Variants in PRRC2B observed in about 807,000 individuals in gnomAD.
PRRC2B encodes proline rich coiled-coil 2B.
In PRRC2B, 68 loss-of-function variants were observed where a neutral mutation model predicts 242.3. The ratio of observed to expected loss-of-function variants is 0.28; its 90% CI spans 0.23 to 0.34. The LOEUF (loss-of-function observed/expected upper bound fraction) is 0.34, where lower values mean the gene tolerates loss of function less well. Among genes scored for constraint, PRRC2B ranks in the 10% least tolerant of loss-of-function variants. PRRC2B has a pLI of 1.00. For missense variants in PRRC2B, 2,835 were observed against 2,954.8 expected, an observed-to-expected ratio of 0.96 and a Z score of 0.94; for synonymous variants, 1,228 against 1,173.6, an observed-to-expected ratio of 1.05 and a Z score of -0.95.
chr9:131,472,888 A>G (rs4740247), intron 14 of PRRC2B, among the ~76,000 whole-genome samples: 9,311 of 151,888 alleles, frequency 0.061, 374 homozygotes, highest in Admixed American at 0.12. Context: ...TCTTGGTCCT[A>G]TTGTTTTTCT....
chr9:131,462,304 C>G (rs1943263795), intron 11 of PRRC2B, among the ~76,000 whole-genome samples: 1 of 152,074 alleles, frequency 6.6e-6, no homozygotes, highest in Admixed American at 6.5e-5. Context: ...CTTCTGCCTT[C>G]CAGGTTCAAG....
chr9:131,452,196 G>A (rs1043837215), intron 9 of PRRC2B, among the ~76,000 whole-genome samples: 1 of 152,008 alleles, frequency 6.6e-6, no homozygotes, highest in African/African-American at 2.4e-5. Flanking sequence ...TTGTCACCCA[G>A]GCTGAGTGCA....
chr9:131,485,916 G>A (rs1944009474), intron 25 of PRRC2B, among the ~76,000 whole-genome samples, 169 bp from the exon 26 acceptor site: 1 of 152,156 alleles, frequency 6.6e-6, no homozygotes, highest in Non-Finnish European at 1.5e-5. Context: ...CGTGTTGTGA[G>A]CAGGCGTGTG....
rs1207768903 is a variant in PRRC2B at position 131,446,405 on chromosome 9, G to A, written c.618G>A (p.Val206=). ...TTGCCCCCTTTCAATTTCCAGATGT[G>A]ACAAGCTGGAGGGAGGGCGGTGGGC... ...GPGPSLRPQN[V]TSWREGGGRH... is the part of the protein sequence containing the mutation. The change falls in exon 7 of 32, where the codon GTG becomes GTA. Residue 206 remains valine, a synonymous_variant. Coordinates refer to ENST00000683519, the MANE Select transcript of PRRC2B (RefSeq NM_013318.4). The surrounding 1 kb of genome is among the most constrained non-coding windows in gnomAD (Gnocchi z 4.1). 1 of 1,613,494 alleles carries A rather than the reference G, an allele frequency of 6.2e-7. No individual in the cohort carries two copies. Among genetic ancestry groups the A allele is most frequent in the Non-Finnish European group, 8.5e-7 (1 of 1,179,840 alleles).
chr9:131,422,374 C>A (rs1837869629), intron 1 of PRRC2B, among the ~76,000 whole-genome samples: 4 of 152,180 alleles, frequency 2.6e-5, no homozygotes, highest in Admixed American at 2.6e-4. Flanking sequence ...CTTTTCTATC[C>A]TGATTGACTG....
chr9:131,391,365 T>A (rs2131270054), upstream of PRRC2B, among the ~76,000 whole-genome samples: 1 of 152,230 alleles, frequency 6.6e-6, no homozygotes, highest in African/African-American at 2.4e-5. Flanking sequence ...CTCCGCTTCA[T>A]CAACCACATC....
intron 9 of PRRC2B, among the ~76,000 whole-genome samples, chr9:131,451,643 C>CA (rs879910813): frequency 0.01 from 1,528 of 152,172 alleles, 24 homozygotes; most frequent in Non-Finnish European, 0.013. Flanking sequence ...CAAGTTCTTT[C>CA]TGGTCTGAGG....
At position 131,487,969 on chromosome 9, in the gene PRRC2B, T is replaced by C. The variant is rs1588282263; in HGVS notation, c.6098T>C (p.Met2033Thr). The change falls in exon 28 of 32, where the codon ATG becomes ACG. Residue 2033 changes from methionine to threonine, a missense_variant. Physicochemically the swap from Met to Thr is moderately conservative, Grantham distance 81 (BLOSUM62 -1). Around this residue, in one of 7 missense-constraint regions of PRRC2B, gnomAD observed 574 missense variants for 626.0 expected, o/e 0.92. Transcript: ENST00000683519. The surrounding 1 kb of genome is among the most constrained non-coding windows in gnomAD (Gnocchi z 5.3). The stretch of plus-strand genomic sequence containing the variant: ...TTCCCAGGCATGCAGCCCTTGGAGA[T>C]GGTGAAGCCGCAGTCTGGCTCACCC... ...SAFPGMQPLE[M>T]VKPQSGSPYQ... 1.9e-6 allele frequency: 3 copies of C among 1,612,810 alleles called. No homozygotes were observed. The highest frequency in any genetic ancestry group is 2.5e-6 in the Non-Finnish European group (3 of 1,179,392).
At chr9:131,480,439 C>T (rs773349946) in intron 19 of PRRC2B, among the ~76,000 whole-genome samples, 2 of 151,860 alleles carry the variant, frequency 1.3e-5, no homozygotes, top group Non-Finnish European at 2.9e-5. Flanking sequence ...TGCCCAGGTG[C>T]CAGATTGGTT....
chr9:131,473,745 GC>G (rs769801212), intron 15 of PRRC2B, 21 bp downstream of exon 15: 2 of 1,594,926 alleles, frequency 1.3e-6, no homozygotes, highest in Non-Finnish European at 1.7e-6. Context: ...GCCTGGTCCT[GC>G]TGCCTTGCCA....
Position 131,475,085 on chromosome 9 carries a change from G to T in PRRC2B, c.2956G>T (p.Asp986Tyr), listed in dbSNP as rs1284390430. The T allele has an allele frequency of 6.2e-7, 1 of 1,611,178 alleles. No homozygotes were observed. The highest frequency in any genetic ancestry group is 8.5e-7 in the Non-Finnish European group (1 of 1,178,756). The change falls in exon 16 of 32, where the codon GAT (aspartate) becomes TAT (tyrosine). Residue 986 changes from aspartate to tyrosine, a missense_variant. Transcript: ENST00000683519. ...GGAGCAGAGCCCCACGGCAGAAAAGGATGAGGACGAAGAGAACGATGCCTC... is the reference window on the plus strand; with the variant it reads ...GGAGCAGAGCCCCACGGCAGAAAAGTATGAGGACGAAGAGAACGATGCCTC... ...EKEQSPTAEK[D>Y]EDEENDASLA... is the part of the protein sequence containing the mutation.
At chr9:131,421,921 A>C (rs1299826714) in intron 1 of PRRC2B, among the ~76,000 whole-genome samples, 1 of 152,224 alleles carries the variant, frequency 6.6e-6, no homozygotes, top group African/African-American at 2.4e-5. Context: ...CTGGGAAAGC[A>C]GATTCCAGGT....
At chr9:131,451,249 A>T (rs1472147198) in intron 9 of PRRC2B, among the ~76,000 whole-genome samples, 2 of 152,092 alleles carry the variant, frequency 1.3e-5, no homozygotes, top group African/African-American at 4.8e-5. Context: ...AATACAAAAA[A>T]TTAGCCGGGC....
intron 1 of PRRC2B, among the ~76,000 whole-genome samples, chr9:131,385,341 CA>C (rs112849330): frequency 1.2e-3 from 160 of 135,226 alleles, no homozygotes; most frequent in Middle Eastern, 3.9e-3. Flanking sequence ...AACTCCGTCT[CA>C]AAAAAAAAAA....
At position 131,482,674 on chromosome 9, in the gene PRRC2B, G is replaced by T. The variant is rs779253365; in HGVS notation, c.5176-36G>T. ...GAAGCTAGAGAGTGTGGTCATTCCA[G>T]TCTGTGTGTCTCCACCTCTCTGCTT... On this transcript the variant is annotated intron_variant, in intron 21 of 31. Coordinates refer to ENST00000683519, the MANE Select transcript of PRRC2B (RefSeq NM_013318.4). This position sits in a 1 kb window ranked among gnomAD's most constrained non-coding sequence, Gnocchi z 5.2. 5 of 1,530,724 alleles carry T rather than the reference G, an allele frequency of 3.3e-6. No individual in the cohort carries two copies. The highest frequency in any genetic ancestry group is 4.4e-6 in the Non-Finnish European group (5 of 1,139,478). 94.8% of individuals were successfully genotyped at this position (1,530,724 alleles called of 1,614,324 possible).
At chr9:131,409,885 T>C (rs543775383) in intron 1 of PRRC2B, among the ~76,000 whole-genome samples, 5 of 152,378 alleles carry the variant, frequency 3.3e-5, no homozygotes, top group African/African-American at 1.2e-4. Flanking sequence ...TAAATCAGAT[T>C]GTACAATAAA....
chr9:131,467,276 C>T (rs1373031719), intron 12 of PRRC2B, among the ~76,000 whole-genome samples: 1 of 152,196 alleles, frequency 6.6e-6, no homozygotes, highest in Non-Finnish European at 1.5e-5. Flanking sequence ...CCTGAAGTCA[C>T]ATCTCAGCTC....
intron 9 of PRRC2B, among the ~76,000 whole-genome samples, chr9:131,454,489 C>T (rs1943012740): frequency 6.6e-6 from 1 of 152,192 alleles, no homozygotes; most frequent in South Asian, 2.1e-4. Context: ...TCTAACCAAG[C>T]TGCCCTGCTC....
At chr9:131,434,666 A>C (rs1324903944) in intron 3 of PRRC2B, among the ~76,000 whole-genome samples, 1 of 152,226 alleles carries the variant, frequency 6.6e-6, no homozygotes, top group African/African-American at 2.4e-5. Flanking sequence ...GAATCTTGGA[A>C]GAGGGTGTCT....
Sources: gnomAD v4.1 joint callset for allele counts (sites outside exome capture counted in the v4.1 genomes callset) on GRCh38, gnomAD v4.1.1 for gene constraint, gnomAD v4.1.1 regional missense constraint, Gnocchi (gnomAD v3.1) non-coding constraint, MANE v1.5 for transcripts, NCBI Gene and HGNC (gene_info 2026-07-23, HGNC 2026-07-21) for gene names.